Variants in CEP192 observed in about 807,000 individuals in gnomAD.
The protein encoded by CEP192 is centrosomal protein of 192 kDa.
A neutral mutation model predicts 271.8 loss-of-function variants in CEP192; 151 were observed. The ratio of observed to expected loss-of-function variants is 0.56; its 90% CI spans 0.49 to 0.64. The LOEUF (loss-of-function observed/expected upper bound fraction) is 0.64. CEP192 is among the 30% of genes least tolerant of loss of function. The pLI is 0.00. For missense variants in CEP192, 2,910 were observed against 3,020.5 expected (o/e 0.96, Z 0.86); for synonymous variants, 995 against 1,076.5 (o/e 0.92, Z 1.48).
rs761656681 is a variant in CEP192 at position 13,087,162 on chromosome 18, G to C, written c.5762G>C (p.Arg1921Pro). 2.3e-5 allele frequency: 37 copies of C among 1,613,928 alleles called. No homozygotes were observed. Among genetic ancestry groups the C allele is most frequent in the Non-Finnish European group, 3.1e-5 (37 of 1,179,980 alleles). ...TTTTCTGTCCGCAACACTGGCTCCC[G>C]AGCAGCTTTTGTTAAAGCAGTAGGT... ...IVFSVRNTGS[R>P]AAFVKAVGFK... Residue 1921 changes from arginine (R) to proline (P), a missense_variant, in exon 31 of 45, where the codon CGA (arginine) becomes CCA (proline). Arg to Pro is a moderately radical substitution (Grantham distance 103). Coordinates refer to ENST00000506447, the MANE Select transcript of CEP192 (RefSeq NM_032142.4).
In CEP192 at chr18:13,068,359, G is replaced by A; in HGVS notation, c.4759G>A (p.Asp1587Asn). 4 of 1,611,356 alleles carry A rather than the reference G, an allele frequency of 2.5e-6. No homozygotes were observed. The highest frequency in any genetic ancestry group is 2.7e-5 in the African/African-American group (2 of 74,890). The change falls in exon 24 of 45, where the codon GAT becomes AAT. Residue 1587 changes from aspartate (D) to asparagine (N), a missense_variant and splice_region_variant. By Grantham distance (23) the Asp-to-Asn change is conservative. Transcript: ENST00000506447. ...ACAAATTTTTCTTTTAATTTTATAGGATCCAGAATTTCTGATGATTTGGGT... is the reference window on the plus strand; with the variant it reads ...ACAAATTTTTCTTTTAATTTTATAGAATCCAGAATTTCTGATGATTTGGGT... Reference protein sequence around the residue: ...HMMPASYDGQDPEFLMIWVLF... With the variant: ...HMMPASYDGQNPEFLMIWVLF...
chr18:13,116,280 A>G, intron 42 of CEP192, 97 bp from the exon 43 acceptor site: 1 of 1,150,638 alleles, frequency 8.7e-7, no homozygotes, highest in Non-Finnish European at 1.2e-6. Context: ...CCAGGAAAAC[A>G]TAAATTAATG....
In CEP192 at chr18:13,007,077, G is replaced by T. The variant is rs187390421; in HGVS notation, c.291-1379G>T. Among the ~76,000 whole-genome samples, 603 of 152,204 alleles carry T rather than the reference G, an allele frequency of 4.0e-3. 2 individuals carry two copies. The highest frequency in any genetic ancestry group is 6.8e-3 in the Middle Eastern group (2 of 294). On this transcript the variant is annotated intron_variant, in intron 3 of 44. Coordinates refer to ENST00000506447, the MANE Select transcript of CEP192 (RefSeq NM_032142.4). ...AGGAACATTTTTGTGTTTCTCCCTGGCAGATTTGTTTCCTTTTCTGCTTCC... is the reference window on the plus strand; with the variant it reads ...AGGAACATTTTTGTGTTTCTCCCTGTCAGATTTGTTTCCTTTTCTGCTTCC...
intron 4 of CEP192, 35 bp downstream of exon 4, chr18:13,008,666 A>G (rs1313907544): frequency 7.4e-7 from 1 of 1,358,706 alleles, no homozygotes; most frequent in Admixed American, 2.7e-5. Flanking sequence ...CTTAATGCAT[A>G]TGTTTTAATT....
chr18:13,052,786 G>T, intron 17 of CEP192, 133 bp from the exon 18 acceptor site: 1 of 598,996 alleles, frequency 1.7e-6, no homozygotes, highest in Non-Finnish European at 2.8e-6. Context: ...TACAATTTTA[G>T]ATAATTAAGT....
intron 12 of CEP192, 41 bp downstream of exon 12, chr18:13,037,342 C>G (rs1407101960): frequency 2.4e-6 from 2 of 846,858 alleles, no homozygotes; most frequent in African/African-American, 3.4e-5. Context: ...AAAATTTTTC[C>G]TGTATTAGTG....
intron 5 of CEP192, 99 bp downstream of exon 5, chr18:13,013,124 C>G: frequency 1.7e-6 from 1 of 577,202 alleles, no homozygotes; most frequent in African/African-American, 1.9e-5. Flanking sequence ...TAGATGTCAT[C>G]TACTTTTTTC....
chr18:13,049,617 A>T lies in CEP192; in HGVS notation c.2826A>T (p.Glu942Asp). 1 of 1,613,888 alleles carries T rather than the reference A, an allele frequency of 6.2e-7. No homozygotes were observed. The highest frequency in any genetic ancestry group is 8.5e-7 in the Non-Finnish European group (1 of 1,179,972). Residue 942 changes from glutamate to aspartate, a missense_variant, in exon 16 of 45, where the codon GAA becomes GAT. Transcript: ENST00000506447. ...AGAGGCAAAATGAGTGTGTCAGTGA[A>T]ATAAGCAACAGTGAGAAGCATGTGA... is the stretch of plus-strand genomic sequence containing the variant. The part of the protein sequence containing the change: ...ENQRQNECVS[E>D]ISNSEKHVTF...
chr18:13,055,171 T>G (rs1047798923), intron 18 of CEP192, among the ~76,000 whole-genome samples: 4 of 151,216 alleles, frequency 2.6e-5, no homozygotes, highest in Non-Finnish European at 5.9e-5. Context: ...CCCAGCTACT[T>G]GGGAGGCTGA....
At chr18:13,069,904 T>C in intron 27 of CEP192, 48 bp downstream of exon 27, 1 of 1,145,414 alleles carries the variant, frequency 8.7e-7, no homozygotes, top group Non-Finnish European at 1.3e-6. Context: ...CTCATGCCTG[T>C]AATCCCAGCA....
intron 44 of CEP192, among the ~76,000 whole-genome samples, chr18:13,122,772 A>G (rs1438394316): frequency 6.6e-6 from 1 of 152,166 alleles, no homozygotes; most frequent in Non-Finnish European, 1.5e-5. Flanking sequence ...CATTAGCTAG[A>G]GAGAGGATCT....
At chr18:13,032,851 A>C (rs967310969) in intron 11 of CEP192, among the ~76,000 whole-genome samples, 2 of 152,220 alleles carry the variant, frequency 1.3e-5, no homozygotes, top group African/African-American at 2.4e-5. Flanking sequence ...AATGAGAATG[A>C]GTGATGTGAA....
intron 28 of CEP192, among the ~76,000 whole-genome samples, chr18:13,072,247 C>T (rs1487388676): frequency 1.3e-5 from 2 of 152,156 alleles, no homozygotes; most frequent in African/African-American, 2.4e-5. Flanking sequence ...TTTTATCAGT[C>T]AGGTGCTATT....
chr18:13,052,595 G>A (rs916092900), intron 17 of CEP192, among the ~76,000 whole-genome samples: 2 of 152,034 alleles, frequency 1.3e-5, no homozygotes, highest in Non-Finnish European at 2.9e-5. Context: ...CTCTTTGCTC[G>A]TTGAGGGTTG....
At chr18:12,996,502 G>C (rs142180421) in intron 1 of CEP192, among the ~76,000 whole-genome samples, 5 of 152,082 alleles carry the variant, frequency 3.3e-5, no homozygotes, top group African/African-American at 1.2e-4. Context: ...CCTGAGGTTC[G>C]GGGAAAGGCC....
At chr18:13,078,473 A>C (rs776343405) in intron 30 of CEP192, among the ~76,000 whole-genome samples, 6 of 151,952 alleles carry the variant, frequency 3.9e-5, no homozygotes, top group Non-Finnish European at 8.8e-5. Flanking sequence ...GGGTCAAATG[A>C]TATTTCTAGT....
rs536142546 is a variant in CEP192, at chr18:13,031,991, C to T, written c.1534+1383C>T. ...TATGGCAGGATAAAGGGAGAGTGGC[C>T]GGAGGCTAGGAGGTGAAGCTGGAGA... On this transcript the variant is annotated intron_variant, in intron 11 of 44. Coordinates refer to ENST00000506447, the MANE Select transcript of CEP192 (RefSeq NM_032142.4). Among the ~76,000 whole-genome samples, 23 of 152,032 alleles carry T rather than the reference C, an allele frequency of 1.5e-4. 1 individual carries two copies. The South Asian group carries it at 3.3e-3, about 22-fold the overall frequency.
At chr18:13,109,604 C>A (rs2040117225) in intron 40 of CEP192, among the ~76,000 whole-genome samples, 2 of 151,768 alleles carry the variant, frequency 1.3e-5, no homozygotes, top group Admixed American at 6.6e-5. Flanking sequence ...AGGTGTCATA[C>A]ATCTATTTTA....
intron 9 of CEP192, among the ~76,000 whole-genome samples, chr18:13,021,174 A>T (rs1412412297): frequency 1.3e-5 from 2 of 152,176 alleles, no homozygotes; most frequent in African/African-American, 4.8e-5. Context: ...TTTTATTCTA[A>T]GAGTTTTATA....
Sources: allele counts gnomAD v4.1 joint callset (sites outside exome capture counted in the v4.1 genomes callset), GRCh38; gene constraint gnomAD v4.1.1; transcripts MANE v1.5; gene names NCBI Gene and HGNC (gene_info 2026-07-23, HGNC 2026-07-21).